DHX30: variants seen among roughly 807,000 people sequenced by gnomAD.
DHX30 encodes the protein ATP-dependent RNA helicase DHX30.
Under a neutral mutation model 116.9 loss-of-function variants are expected in DHX30, and 4 were observed. That is an observed-to-expected ratio of 0.03 (90% CI 0.02 to 0.08). DHX30 has a LOEUF of 0.08. DHX30 is among the 10% of genes least tolerant of loss of function. The pLI is 1.00. For synonymous variants in DHX30, 697 were observed against 651.7 expected (o/e 1.07, Z -1.06); for missense variants, 871 against 1,595.1 (o/e 0.55, Z 7.73).
In DHX30 at chr3:47,847,288, G is replaced by T. The variant is rs753357583; in HGVS notation, c.1945G>T (p.Ala649Ser). Residue 649 changes from alanine (A) to serine (S), a missense_variant, in exon 12 of 22, where the codon GCA (alanine) becomes TCA (serine). Ala to Ser is a moderately conservative substitution (Grantham distance 99). Around this residue, in one of 13 missense-constraint regions of DHX30, gnomAD observed 61 missense variants for 106.7 expected, o/e 0.57. Coordinates refer to ENST00000445061, the MANE Select transcript of DHX30 (RefSeq NM_138615.3). This position sits in a 1 kb window ranked among gnomAD's most constrained non-coding sequence, Gnocchi z 5.5. ...CCCACCCCAGTCTGAGGATGAATGCGCACTCGATTTGGACCTTGTGACTGA... is the reference window on the plus strand; with the variant it reads ...CCCACCCCAGTCTGAGGATGAATGCTCACTCGATTTGGACCTTGTGACTGA... ...HRHHESEDEC[A>S]LDLDLVTDLV... The T allele has an allele frequency of 1.2e-6, 2 of 1,614,224 alleles. No individual in the cohort carries two copies. The highest frequency in any genetic ancestry group is 1.1e-5 in the South Asian group (1 of 91,082).
intron 3 of DHX30, among the ~76,000 whole-genome samples, chr3:47,812,955 A>G (rs1175459723): frequency 6.8e-6 from 1 of 147,080 alleles, no homozygotes; most frequent in Non-Finnish European, 1.5e-5. Context: ...GTGAGCCACC[A>G]GCAGGAGATT....
intron 9 of DHX30, chr3:47,845,374 A>G (rs955364448): frequency 6.0e-6 from 1 of 167,654 alleles, no homozygotes; most frequent in Admixed American, 6.2e-5. Context: ...TTTAGTAGAG[A>G]TGGGGTTTCA....
intron 6 of DHX30, among the ~76,000 whole-genome samples, chr3:47,835,270 T>C (rs757988672): frequency 6.7e-6 from 1 of 150,210 alleles, no homozygotes; most frequent in Non-Finnish European, 1.5e-5. Context: ...GTCTCCTGGG[T>C]TCAAGCAGTT....
chr3:47,817,877 C>A, intron 3 of DHX30, 145 bp from the exon 4 acceptor site: 1 of 740,410 alleles, frequency 1.4e-6, no homozygotes, highest in Non-Finnish European at 2.5e-6. Context: ...TAGTGCTGTT[C>A]CTCAGAACCT....
intron 2 of DHX30, among the ~76,000 whole-genome samples, chr3:47,806,924 A>C (rs1290911140): frequency 6.6e-6 from 1 of 150,466 alleles, no homozygotes; most frequent in African/African-American, 2.4e-5. Context: ...TTACTGCATT[A>C]TGGCCGGTCG....
In DHX30 at chr3:47,846,439, C is replaced by T. The variant is rs771134952; in HGVS notation, c.1367C>T (p.Ser456Phe). The T allele has an allele frequency of 6.2e-6, 10 of 1,614,054 alleles. No homozygotes were observed. The South Asian group carries it at 9.9e-5, about 16-fold the overall frequency. The change falls in exon 11 of 22, where the codon TCT becomes TTT. Residue 456 changes from serine to phenylalanine, a missense_variant. Physicochemically the swap from Ser to Phe is radical, Grantham distance 155. This residue lies in a region of DHX30 where 63 missense variants were observed against 180.6 expected (regional missense o/e 0.35). Coordinates refer to ENST00000445061, the MANE Select transcript of DHX30 (RefSeq NM_138615.3). Reference sequence around the variant, plus strand: ...GAGCAGCACCCGGTGGTGGTCATCTCTGGGGACACGGGCTGTGGGAAGACC... The same window carrying T: ...GAGCAGCACCCGGTGGTGGTCATCTTTGGGGACACGGGCTGTGGGAAGACC... Reference protein sequence around the residue: ...AIEQHPVVVISGDTGCGKTTR... With the variant: ...AIEQHPVVVIFGDTGCGKTTR...
chr3:47,829,662 C>T (rs1391182157), intron 6 of DHX30, among the ~76,000 whole-genome samples: 1 of 151,712 alleles, frequency 6.6e-6, no homozygotes, highest in East Asian at 2.0e-4. Flanking sequence ...TTAAAAACCG[C>T]CCAGCCTATC....
Position 47,847,088 on chromosome 3 carries a change from G to C in DHX30, c.1929+87G>C. On this transcript the variant is annotated intron_variant, in intron 11 of 21. Transcript: ENST00000445061. The surrounding 1 kb of genome is among the most constrained non-coding windows in gnomAD (Gnocchi z 5.5). ...CCTGGCCCTGGGGCTTGGTGCCTGG[G>C]GCAAGTTACCCTCCCCAGTCCTCGG... The C allele has an allele frequency of 7.2e-6, 11 of 1,531,876 alleles. No homozygotes were observed. Among genetic ancestry groups the C allele is most frequent in the Non-Finnish European group, 9.8e-6 (11 of 1,127,402 alleles). 94.9% of individuals were successfully genotyped at this position (1,531,876 alleles called of 1,614,324 possible).
At chr3:47,813,925 G>A (rs1576465397) in intron 3 of DHX30, among the ~76,000 whole-genome samples, 1 of 89,226 alleles carries the variant, frequency 1.1e-5, no homozygotes, top group Non-Finnish European at 2.0e-5. Flanking sequence ...CCAGCTGTAT[G>A]TAAGAAGGAA....
At chr3:47,816,589 C>G in intron 3 of DHX30, 2 of 979,280 alleles carry the variant, frequency 2.0e-6, no homozygotes, top group Non-Finnish European at 2.4e-6. Context: ...ATCTCTTGAC[C>G]TTGTGATCCG....
chr3:47,829,287 GATATATAT>G (rs1189388149), intron 6 of DHX30, among the ~76,000 whole-genome samples, 153 bp downstream of exon 6: 1 of 35,848 alleles, frequency 2.8e-5, no homozygotes, highest in Non-Finnish European at 4.5e-5. Context: ...CAGCCAATGA[GATATATAT>G]ATATATATAT....
At chr3:47,822,747 T>C (rs895101504) in intron 4 of DHX30, among the ~76,000 whole-genome samples, 3 of 151,818 alleles carry the variant, frequency 2.0e-5, no homozygotes, top group African/African-American at 7.3e-5. Context: ...ATCGTGCCAG[T>C]GCATTCCAGC....
At chr3:47,816,738 G>C in intron 3 of DHX30, 1 of 985,606 alleles carries the variant, frequency 1.0e-6, no homozygotes, top group Non-Finnish European at 1.2e-6. Flanking sequence ...AGCCACTGTG[G>C]TGAAGGAGTG....
chr3:47,834,618 C>T (rs773515481), intron 6 of DHX30, among the ~76,000 whole-genome samples: 28 of 151,908 alleles, frequency 1.8e-4, no homozygotes, highest in Non-Finnish European at 3.4e-4. Flanking sequence ...TGCAGGTGTG[C>T]GCCACCACAC....
At chr3:47,832,465 A>G (rs538036562) in intron 6 of DHX30, among the ~76,000 whole-genome samples, 194 of 152,024 alleles carry the variant, frequency 1.3e-3, no homozygotes, top group Non-Finnish European at 2.4e-3. Context: ...ACACACAACC[A>G]TGCCCAGCTA....
chr3:47,843,050 C>T (rs939704284), intron 8 of DHX30, 56 bp from the exon 9 acceptor site: 3 of 1,599,430 alleles, frequency 1.9e-6, no homozygotes, highest in Non-Finnish European at 2.6e-6. Flanking sequence ...GAGAATGCCC[C>T]AAGTCTCTTC....
intron 8 of DHX30, 110 bp from the exon 9 acceptor site, chr3:47,842,996 G>C: frequency 7.2e-7 from 1 of 1,383,380 alleles, no homozygotes; most frequent in Non-Finnish European, 1.0e-6. Context: ...CCTGGCACCT[G>C]CTGAGATGGT....
At chr3:47,807,128 T>C in intron 2 of DHX30, among the ~76,000 whole-genome samples, 1 of 151,278 alleles carries the variant, frequency 6.6e-6, no homozygotes, top group East Asian at 2.0e-4. Context: ...ATCATTTGAA[T>C]CCGGGAGGTG....
At chr3:47,817,356 T>C (rs1239514260) in intron 3 of DHX30, among the ~76,000 whole-genome samples, 1 of 152,244 alleles carries the variant, frequency 6.6e-6, no homozygotes, top group Non-Finnish European at 1.5e-5. Context: ...TTAATTTTCG[T>C]TCATGTACCT....
Sources: gnomAD v4.1 joint callset for allele counts (sites outside exome capture counted in the v4.1 genomes callset) on GRCh38, gnomAD v4.1.1 for gene constraint, gnomAD v4.1.1 regional missense constraint, Gnocchi (gnomAD v3.1) non-coding constraint, MANE v1.5 for transcripts, NCBI Gene and HGNC (gene_info 2026-07-23, HGNC 2026-07-21) for gene names.